CKAP5: variants seen among roughly 807,000 people sequenced by gnomAD.
CKAP5 encodes the protein cytoskeleton-associated protein 5.
Under a neutral mutation model 232.8 loss-of-function variants are expected in CKAP5, and 27 were observed. That is an observed-to-expected ratio of 0.12 (90% CI 0.09 to 0.16). The LOEUF (loss-of-function observed/expected upper bound fraction) is 0.16, where lower values mean the gene tolerates loss of function less well. Ranked by LOEUF, CKAP5 falls within the 10% of genes least tolerant of loss-of-function variation. The pLI is 1.00. For missense variants in CKAP5, 1,838 were observed against 2,424.7 expected (o/e 0.76, Z 5.08); for synonymous variants, 785 against 841.1 (o/e 0.93, Z 1.16).
intron 26 of CKAP5, among the ~76,000 whole-genome samples, 174 bp from the exon 27 acceptor site, chr11:46,767,837 C>CTGGA (rs2065215559): frequency 1.3e-5 from 2 of 152,010 alleles, no homozygotes; most frequent in Non-Finnish European, 2.9e-5. Flanking sequence ...ATCTCCCAGG[C>CTGGA]TGGAGTACAG....
chr11:46,816,256 C>T lies in CKAP5; in HGVS notation c.400G>A (p.Asp134Asn). 6.2e-7 allele frequency: 1 copy of T among 1,614,148 alleles called. No homozygotes were observed. The highest frequency in any genetic ancestry group is 8.5e-7 in the Non-Finnish European group (1 of 1,180,020). The change falls in exon 4 of 44, where the codon GAC becomes AAC. Residue 134 changes from aspartate (D) to asparagine (N), a missense_variant. By Grantham distance (23) the Asp-to-Asn change is conservative (BLOSUM62 1). Around this residue, in one of 6 missense-constraint regions of CKAP5, gnomAD observed 285 missense variants for 300.0 expected, o/e 0.95. Coordinates refer to ENST00000529230, the MANE Select transcript of CKAP5 (RefSeq NM_001008938.4). The stretch of plus-strand genomic sequence containing the variant: ...ACTATGATCTTGGGATTCTTATTGT[C>T]CAAGCCTTTCAGGAGCTCTTCTTGA... ...AVQEELLKGLDNKNPKIIVAC... is the reference protein window; with the variant it reads ...AVQEELLKGLNNKNPKIIVAC...
chr11:46,830,555 G>T (rs1359547197), intron 1 of CKAP5, among the ~76,000 whole-genome samples: 1 of 152,218 alleles, frequency 6.6e-6, no homozygotes, highest in African/African-American at 2.4e-5. Context: ...TCTTTCCTAG[G>T]GGCTCTGGAG....
rs2065375286 is a variant in CKAP5 at position 46,784,626 on chromosome 11, T to C, written c.2016A>G (p.Gly672=). 6.2e-7 allele frequency: 1 copy of C among 1,613,990 alleles called. No homozygotes were observed. The change falls in exon 17 of 44, where the codon GGA becomes GGG. Residue 672 remains glycine, a synonymous_variant. Coordinates refer to ENST00000529230, the MANE Select transcript of CKAP5 (RefSeq NM_001008938.4). The part of the protein sequence containing the change: ...LHIVALIAQK[G]NFSKTSAQVV... The stretch of plus-strand genomic sequence containing the variant: ...CCTGAGCTGACGTTTTGGAAAAATT[T>C]CCCTTCTGGGCAATCAAAGCAACTA...
chr11:46,773,901 C>T (rs2065270305), intron 24 of CKAP5, among the ~76,000 whole-genome samples: 2 of 152,188 alleles, frequency 1.3e-5, no homozygotes, highest in Admixed American at 1.3e-4. Context: ...TATGACAAAC[C>T]CACAGCCAAT....
chr11:46,767,021 C>T (rs1382359559), intron 27 of CKAP5, among the ~76,000 whole-genome samples: 2 of 109,674 alleles, frequency 1.8e-5, no homozygotes, highest in Non-Finnish European at 3.6e-5. Flanking sequence ...GCTACAAATG[C>T]TTTCTCCTTT....
At chr11:46,750,184 T>C (rs2065052582) in intron 42 of CKAP5, 90 bp downstream of exon 42, 3 of 1,302,686 alleles carry the variant, frequency 2.3e-6, no homozygotes, top group Admixed American at 2.2e-5. Context: ...TTGAGGTTCA[T>C]GGATATGAAT....
chr11:46,796,737 C>T (rs1592464070), intron 12 of CKAP5, 75 bp downstream of exon 12: 2 of 1,549,206 alleles, frequency 1.3e-6, no homozygotes, highest in East Asian at 4.6e-5. Flanking sequence ...TACTCTATAA[C>T]TGTCAAGAGA....
intron 28 of CKAP5, among the ~76,000 whole-genome samples, chr11:46,764,813 G>A (rs1051616304): frequency 1.4e-5 from 2 of 141,264 alleles, no homozygotes; most frequent in African/African-American, 5.3e-5. Flanking sequence ...CAGTCACAAA[G>A]TCTGCCTTGT....
chr11:46,808,844 C>T (rs1939213774), intron 7 of CKAP5, among the ~76,000 whole-genome samples: 1 of 152,182 alleles, frequency 6.6e-6, no homozygotes, highest in East Asian at 1.9e-4. Flanking sequence ...AGAACAATCA[C>T]ATAACCAACA....
rs1321525136 is a variant in CKAP5, at chr11:46,777,328, T to G, written c.2862+111A>C. 5 of 619,452 alleles carry G rather than the reference T, an allele frequency of 8.1e-6. No individual in the cohort carries two copies. The East Asian group carries it at 1.4e-4, about 17-fold the overall frequency. 38.4% of individuals were successfully genotyped at this position (619,452 alleles called of 1,614,324 possible). A position where few individuals can be genotyped will look rare whatever the true frequency, so the allele number is the denominator to read the frequency against. ...TGTTTTTCTTCTAATATTTTCATCT[T>G]TATAAAGTTTATCAGGTCTTTACAT... On this transcript the variant is annotated intron_variant, in intron 23 of 43. Coordinates refer to ENST00000529230, the MANE Select transcript of CKAP5 (RefSeq NM_001008938.4).
intron 36 of CKAP5, among the ~76,000 whole-genome samples, chr11:46,753,884 G>A (rs1017006968): frequency 2.6e-5 from 4 of 151,872 alleles, no homozygotes; most frequent in Non-Finnish European, 4.4e-5. Context: ...GAGCCACCGC[G>A]CCCGGCTATG....
Position 46,744,100 on chromosome 11 carries a change from C to T in CKAP5, c.6022G>A (p.Val2008Met). 6.2e-7 allele frequency: 1 copy of T among 1,613,946 alleles called. No individual in the cohort carries two copies. The highest frequency in any genetic ancestry group is 8.5e-7 in the Non-Finnish European group (1 of 1,179,998). ...TTAGCTGTGGAGGAGGAGGAGGTCACAGTTCCTGAAGAGTGAGTCTGGTTA... is the reference window on the plus strand; with the variant it reads ...TTAGCTGTGGAGGAGGAGGAGGTCATAGTTCCTGAAGAGTGAGTCTGGTTA... The part of the protein sequence containing the change: ...DSNQTHSSGT[V>M]TSSSSTANID... Residue 2008 changes from valine to methionine, a missense_variant, in exon 44 of 44, where the codon GTG becomes ATG. Transcript: ENST00000529230.
intron 1 of CKAP5, among the ~76,000 whole-genome samples, chr11:46,839,333 TTA>T (rs1939996780): frequency 2.0e-5 from 3 of 152,028 alleles, no homozygotes; most frequent in Non-Finnish European, 4.4e-5. Flanking sequence ...TGTGTTGGAG[TTA>T]TACACATCAA....
At chr11:46,817,672 ACT>A (rs1939434805) in intron 3 of CKAP5, among the ~76,000 whole-genome samples, 1 of 152,052 alleles carries the variant, frequency 6.6e-6, no homozygotes, top group Non-Finnish European at 1.5e-5. Flanking sequence ...AAGTGTTTCA[ACT>A]TTTTTTTTTG....
rs1158415516 is a variant in CKAP5, at chr11:46,790,202, A to C, written c.1765-16T>G. 3 of 1,531,504 alleles carry C rather than the reference A, an allele frequency of 2.0e-6. No homozygotes were observed. In the Admixed American group the frequency reaches 5.3e-5, roughly 27 times the overall value. 94.9% of individuals were successfully genotyped at this position (1,531,504 alleles called of 1,614,324 possible). ...ATACTTCTATCTGTAAGATACAAAAACATATTAGAATTAGGAATTGCTTAA... is the reference window on the plus strand; with the variant it reads ...ATACTTCTATCTGTAAGATACAAAACCATATTAGAATTAGGAATTGCTTAA... On this transcript the variant is annotated splice_polypyrimidine_tract_variant and intron_variant, in intron 14 of 43. Coordinates refer to ENST00000529230, the MANE Select transcript of CKAP5 (RefSeq NM_001008938.4).
At position 46,763,483 on chromosome 11, in the gene CKAP5, C is replaced by T. The variant is rs752050611; in HGVS notation, c.3685G>A (p.Asp1229Asn). 3.8e-6 allele frequency: 6 copies of T among 1,589,922 alleles called. No homozygotes were observed. In the South Asian group the frequency reaches 6.9e-5, roughly 18 times the overall value. ...HHNKALAVMV[D>N]HLESEKEGVI... ...ATATTTATCTATTGCAGACTTACAT[C>T]AACCATAACAGCAAGGGCTTTGTTA... Residue 1229 changes from aspartate (D) to asparagine (N), a missense_variant and splice_region_variant, in exon 29 of 44, where the codon GAT becomes AAT. Physicochemically the swap from Asp to Asn is conservative, Grantham distance 23. Around this residue, in one of 6 missense-constraint regions of CKAP5, gnomAD observed 48 missense variants for 98.1 expected, o/e 0.49. Coordinates refer to ENST00000529230, the MANE Select transcript of CKAP5 (RefSeq NM_001008938.4).
intron 42 of CKAP5, 49 bp downstream of exon 42, chr11:46,750,225 C>T: frequency 6.4e-7 from 1 of 1,571,608 alleles, no homozygotes; most frequent in Non-Finnish European, 8.6e-7. Context: ...GGTTCCTGTG[C>T]TAGGAGCTAT....
At chr11:46,778,646 T>C (rs199974788) in intron 20 of CKAP5, 47 bp from the exon 21 acceptor site, 4 of 1,537,302 alleles carry the variant, frequency 2.6e-6, no homozygotes, top group Non-Finnish European at 2.7e-6. Context: ...ATATAGGATA[T>C]GGGAACAAAC....
rs57170422 is a variant in CKAP5 at position 46,822,741 on chromosome 11, CAA to C, written c.-37-1475_-37-1474del. Among the ~76,000 whole-genome samples, 672 of 77,874 alleles carry C rather than the reference CAA, an allele frequency of 8.6e-3. 3 individuals carry two copies. Among genetic ancestry groups the C allele is most frequent in the Non-Finnish European group, 0.01 (414 of 40,522 alleles). 51.1% of individuals were successfully genotyped at this position (77,874 alleles called of 152,430 possible). On this transcript the variant is annotated intron_variant, in intron 1 of 43. Transcript: ENST00000529230. ...CCAGCCTGGGCAACAGACTCCGTCC[CAA>C]AAAAAAAAAAAAAAAAAAAAAGAAA...
Sources: allele counts gnomAD v4.1 joint callset (sites outside exome capture counted in the v4.1 genomes callset), GRCh38; gene constraint gnomAD v4.1.1; regional missense constraint gnomAD v4.1.1; transcripts MANE v1.5; gene names NCBI Gene and HGNC (gene_info 2026-07-23, HGNC 2026-07-21).